The following PGBD5 variants were observed in gnomAD, a reference collection of about 807,000 sequenced individuals.
PGBD5 encodes the protein piggyBac transposable element derived 5.
Under a neutral mutation model 47.9 loss-of-function variants are expected in PGBD5, and 14 were observed. The observed-to-expected ratio is 0.29, with a 90% CI of 0.19 to 0.46. The LOEUF is 0.46. Ranked by LOEUF, PGBD5 falls within the 20% of genes least tolerant of loss-of-function variation. The pLI, the probability that PGBD5 is intolerant of heterozygous loss-of-function variation, is 1.00. For missense variants in PGBD5, 635 were observed against 716.0 expected (o/e 0.89, Z 1.29); for synonymous variants, 316 against 306.3 (o/e 1.03, Z -0.33).
Position 230,320,190 on chromosome 1 carries a change from T to C in PGBD5, c.*3235A>G, listed in dbSNP as rs1667014716. The C allele has an allele frequency of 6.6e-6, 1 of 151,904 alleles. No individual in the cohort carries two copies. The highest frequency in any genetic ancestry group is 1.5e-5 in the Non-Finnish European group (1 of 68,034). The allele number at this position is 151,904 out of a possible 1,614,324, so 9.4% of individuals were successfully genotyped here. A position where few individuals can be genotyped will look rare whatever the true frequency, so the allele number is the denominator to read the frequency against. On this transcript the variant is annotated 3_prime_UTR_variant, in exon 7 of 7. Coordinates refer to ENST00000391860, the MANE Select transcript of PGBD5 (RefSeq NM_001258311.2). ...TCGAGGCTCTTTAGGGAGCAGAGTG[T>C]GGGGAAAGACAATGAAAGTCGAATA...
At chr1:230,334,413 T>A (rs1181579148) in intron 4 of PGBD5, among the ~76,000 whole-genome samples, 1 of 152,228 alleles carries the variant, frequency 6.6e-6, no homozygotes, top group Admixed American at 6.5e-5. Context: ...AGAAGCTGCA[T>A]GTTCGTAAGA....
intron 3 of PGBD5, among the ~76,000 whole-genome samples, chr1:230,342,814 CTG>C (rs1319647516): frequency 6.6e-6 from 1 of 152,196 alleles, no homozygotes. Flanking sequence ...AGCTCTGTAA[CTG>C]TGCTCCCAAT....
chr1:230,327,867 G>A (rs1468830955), intron 5 of PGBD5, among the ~76,000 whole-genome samples: 2 of 152,160 alleles, frequency 1.3e-5, no homozygotes, highest in African/African-American at 4.8e-5. Flanking sequence ...TCACACTTGG[G>A]GCCACAGCAT....
rs535536279 is a variant in PGBD5, at chr1:230,357,049, C to G, written c.604G>C (p.Val202Leu). Residue 202 changes from valine (V) to leucine (L), a missense_variant, in exon 2 of 7, where the codon GTC becomes CTC. Val to Leu is a conservative substitution (Grantham distance 32). Transcript: ENST00000391860. The surrounding 1 kb of genome is among the most constrained non-coding windows in gnomAD (Gnocchi z 5.7). ...TTCTCGAAGCGGGCCTGGCTCATGA[C>G]GAGGGCGAGGCTGCGGTTGCTGTAG... ...GFYSNRSLAL[V>L]MSQARFEKIL... 1.2e-6 allele frequency: 2 copies of G among 1,614,102 alleles called. No homozygotes were observed. The highest frequency in any genetic ancestry group is 1.7e-6 in the Non-Finnish European group (2 of 1,180,022).
At position 230,315,913 on chromosome 1, in the gene PGBD5, T is replaced by TGTGTATACATAC. The variant is rs1365058696; in HGVS notation, c.*7511_*7512insGTATGTATACAC. 16 of 143,620 alleles carry TGTGTATACATAC rather than the reference T, an allele frequency of 1.1e-4. 4 individuals are homozygous for TGTGTATACATAC. Among genetic ancestry groups the TGTGTATACATAC allele is most frequent in the African/African-American group, 4.4e-4 (16 of 36,058 alleles). 8.9% of individuals were successfully genotyped at this position (143,620 alleles called of 1,614,324 possible). On this transcript the variant is annotated 3_prime_UTR_variant, in exon 7 of 7. Coordinates refer to ENST00000391860, the MANE Select transcript of PGBD5 (RefSeq NM_001258311.2). ...ATATTTATGTGTACACATATATGTA[T>TGTGTATACATAC]ATGTGTATATGTGTACACATATATG...
At chr1:230,417,918 G>C (rs1405728187) in intron 1 of PGBD5, among the ~76,000 whole-genome samples, 1 of 152,188 alleles carries the variant, frequency 6.6e-6, no homozygotes, top group Non-Finnish European at 1.5e-5. Context: ...AAACTGCTTG[G>C]CAGCACTTCC....
chr1:230,376,867 G>A (rs187335488), intron 1 of PGBD5, among the ~76,000 whole-genome samples: 1 of 152,184 alleles, frequency 6.6e-6, no homozygotes. Context: ...TATTCCTACT[G>A]TAAGAAAGGG....
At chr1:230,354,883 T>A (rs1667611416) in intron 2 of PGBD5, among the ~76,000 whole-genome samples, 1 of 151,602 alleles carries the variant, frequency 6.6e-6, no homozygotes, top group African/African-American at 2.4e-5. Context: ...TACAGTAAAA[T>A]AAAAATGAAA....
rs557735242 is a variant in PGBD5, at chr1:230,361,089, C to T, written c.332-3768G>A. ...AGCAGCAGCCCTTCTGTCCCTTTTA[C>T]GTGGCTCTCCTACACATGGTACCTA... On this transcript the variant is annotated intron_variant, in intron 1 of 6. Coordinates refer to ENST00000391860, the MANE Select transcript of PGBD5 (RefSeq NM_001258311.2). Among the ~76,000 whole-genome samples, 5 of 152,298 alleles carry T rather than the reference C, an allele frequency of 3.3e-5. No individual in the cohort carries two copies. The East Asian group carries it at 7.7e-4, about 24-fold the overall frequency.
chr1:230,381,834 C>T (rs1656502609), intron 1 of PGBD5, among the ~76,000 whole-genome samples: 2 of 152,110 alleles, frequency 1.3e-5, no homozygotes, highest in Non-Finnish European at 2.9e-5. Flanking sequence ...TTCACCCCAG[C>T]ATGCTGGGAT....
intron 1 of PGBD5, among the ~76,000 whole-genome samples, chr1:230,378,370 C>T (rs567256483): frequency 1.3e-5 from 2 of 152,342 alleles, no homozygotes; most frequent in Admixed American, 1.3e-4. Flanking sequence ...AGCCTCCTCC[C>T]GTCTTCCATC....
At chr1:230,365,174 G>A (rs1448674349) in intron 1 of PGBD5, among the ~76,000 whole-genome samples, 7 of 148,830 alleles carry the variant, frequency 4.7e-5, no homozygotes, top group Non-Finnish European at 8.9e-5. Context: ...TTAGCCAGGC[G>A]TGGTGGCGGG....
At chr1:230,384,573 G>A (rs1656590823) in intron 1 of PGBD5, among the ~76,000 whole-genome samples, 2 of 152,162 alleles carry the variant, frequency 1.3e-5, no homozygotes. Context: ...TCAGTTCCCT[G>A]CGGGAGCAGG....
rs114667508 is a variant in PGBD5 at position 230,374,937 on chromosome 1, G to A, written c.332-17616C>T. Among the ~76,000 whole-genome samples the A allele has an allele frequency of 3.9e-3, 586 of 152,164 alleles. 4 individuals are homozygous for A. Among genetic ancestry groups the A allele is most frequent in the African/African-American group, 0.014 (566 of 41,402 alleles). On this transcript the variant is annotated intron_variant, in intron 1 of 6. Transcript: ENST00000391860. ...GCCCATGAGGAGAGAGCAGGCATGG[G>A]GTCCAGGCCGTGGCCCTCCTTGAGC...
Position 230,335,775 on chromosome 1 carries a change from A to ATGCG in PGBD5, c.1075+1332_1075+1333insCGCA, listed in dbSNP as rs1222516099. Reference sequence around the variant, plus strand: ...CACACAGATACACAGATACAGACAGACACACACACACACACAGGCACAAAG... The same window carrying ATGCG: ...CACACAGATACACAGATACAGACAGATGCGCACACACACACACACAGGCACAAAG... On this transcript the variant is annotated intron_variant, in intron 4 of 6. Coordinates refer to ENST00000391860, the MANE Select transcript of PGBD5 (RefSeq NM_001258311.2). 1.6e-4 allele frequency among the ~76,000 whole-genome samples: 19 copies of ATGCG among 117,954 alleles called. 4 individuals carry two copies. The highest frequency in any genetic ancestry group is 2.7e-4 in the African/African-American group (10 of 36,772). The allele number at this position is 117,954 out of a possible 152,430, so 77.4% of individuals were successfully genotyped here.
intron 1 of PGBD5, among the ~76,000 whole-genome samples, chr1:230,417,279 C>A (rs1403635124): frequency 6.6e-6 from 1 of 152,080 alleles, no homozygotes; most frequent in African/African-American, 2.4e-5. Flanking sequence ...TTCCCTCCTC[C>A]TTCCTTAAAG....
intron 1 of PGBD5, among the ~76,000 whole-genome samples, chr1:230,418,557 G>C (rs1278757088): frequency 6.6e-6 from 1 of 152,096 alleles, no homozygotes; most frequent in Non-Finnish European, 1.5e-5. Context: ...CCACAGTCTG[G>C]AGTGCAGTGG....
chr1:230,419,806 G>A (rs1179669571), intron 1 of PGBD5, among the ~76,000 whole-genome samples: 1 of 152,156 alleles, frequency 6.6e-6, no homozygotes, highest in Non-Finnish European at 1.5e-5. Flanking sequence ...TTGATGCTAA[G>A]GAGTAAATTG....
intron 2 of PGBD5, among the ~76,000 whole-genome samples, chr1:230,352,728 G>C (rs960525186): frequency 6.6e-6 from 1 of 152,092 alleles, no homozygotes; most frequent in Non-Finnish European, 1.5e-5. Context: ...GCACTCGCTG[G>C]CTCTTTGTAG....
Sources: gnomAD v4.1 joint callset for allele counts (sites outside exome capture counted in the v4.1 genomes callset) on GRCh38, gnomAD v4.1.1 for gene constraint, Gnocchi (gnomAD v3.1) non-coding constraint, MANE v1.5 for transcripts, NCBI Gene and HGNC (gene_info 2026-07-23, HGNC 2026-07-21) for gene names.